Variants in RGS5 observed in about 807,000 individuals in gnomAD.
The protein encoded by RGS5 is regulator of G-protein signalling 5.
In RGS5, 20 loss-of-function variants were observed where a neutral mutation model predicts 18.9. The ratio of observed to expected loss-of-function variants is 1.06; its 90% CI spans 0.74 to 1.54. The LOEUF (loss-of-function observed/expected upper bound fraction) is 1.54. Among genes scored for constraint, RGS5 ranks in the 40% most tolerant of loss-of-function variants. RGS5 has a pLI of 0.00. For synonymous variants in RGS5, 57 were observed against 76.2 expected, an observed-to-expected ratio of 0.75 and a Z score of 1.31; for missense variants, 201 against 211.8, an observed-to-expected ratio of 0.95 and a Z score of 0.32.
chr1:163,206,305 G>C (rs142462967), upstream of RGS5, among the ~76,000 whole-genome samples: 498 of 151,708 alleles, frequency 3.3e-3, 4 homozygotes, highest in African/African-American at 9.3e-3. Flanking sequence ...CCCAGTCTCA[G>C]GTATTTTGTT....
chr1:163,160,144 G>A (rs1657745964), intron 3 of RGS5, among the ~76,000 whole-genome samples: 1 of 152,136 alleles, frequency 6.6e-6, no homozygotes, highest in Non-Finnish European at 1.5e-5. Context: ...ATATAGACAT[G>A]TAGCCCTAAG....
chr1:163,190,491 A>G (rs60039289), intron 1 of RGS5, among the ~76,000 whole-genome samples: 28,918 of 152,126 alleles, frequency 0.19, 2,907 homozygotes, highest in South Asian at 0.28. Context: ...AGATCATACT[A>G]CCTGGAGAAT....
chr1:163,209,535 C>T (rs1200227637), intron 1 of RGS5, among the ~76,000 whole-genome samples: 2 of 152,138 alleles, frequency 1.3e-5, no homozygotes, highest in Non-Finnish European at 2.9e-5. Context: ...TTGTTTGAGT[C>T]TACTTGTGTA....
At chr1:163,227,305 C>G (rs189255567) in intron 2 of RGS5, among the ~76,000 whole-genome samples, 1 of 152,144 alleles carries the variant, frequency 6.6e-6, no homozygotes, top group Non-Finnish European at 1.5e-5. Context: ...ACTCACAGTT[C>G]CACATGGTTG....
chr1:163,206,451 G>C (rs1207940529), upstream of RGS5, among the ~76,000 whole-genome samples: 3 of 152,088 alleles, frequency 2.0e-5, no homozygotes, highest in Admixed American at 6.6e-5. Flanking sequence ...TACCTGTTAA[G>C]ATTTTCGTGT....
chr1:163,226,222 A>C lies in RGS5; in HGVS notation c.-280-57854T>G, dbSNP rs372179714. On this transcript the variant is annotated intron_variant, in intron 2 of 5. Transcript: ENST00000618415. ...GGCATGAGCCACCGCACCCAGCCAG[A>C]GGTCAAAATCGCAAGTAATTTTAAG... Among the ~76,000 whole-genome samples, 13 of 152,016 alleles carry C rather than the reference A, an allele frequency of 8.6e-5. No individual in the cohort carries two copies. The East Asian group carries it at 1.7e-3, about 20-fold the overall frequency.
intron 4 of RGS5, among the ~76,000 whole-genome samples, chr1:163,150,076 C>A (rs1193916221): frequency 6.6e-6 from 1 of 152,124 alleles, no homozygotes; most frequent in African/African-American, 2.4e-5. Context: ...GAGTAGGATT[C>A]ACATTCTCTC....
chr1:163,253,920 G>A (rs1364266472), intron 2 of RGS5, among the ~76,000 whole-genome samples: 11 of 151,528 alleles, frequency 7.3e-5, no homozygotes, highest in Admixed American at 5.9e-4. Flanking sequence ...TTGTTCTTGC[G>A]ATAGTTTACT....
At chr1:163,208,443 A>G (rs1259598722) in intron 1 of RGS5, among the ~76,000 whole-genome samples, 5 of 140,658 alleles carry the variant, frequency 3.6e-5, no homozygotes, top group Admixed American at 1.5e-4. Context: ...ACTTGAGCCC[A>G]GGAGTTCAAG....
At chr1:163,296,982 A>G (rs1360069385) in intron 2 of RGS5, among the ~76,000 whole-genome samples, 2 of 152,186 alleles carry the variant, frequency 1.3e-5, no homozygotes, top group East Asian at 3.8e-4. Flanking sequence ...GAAGAAAAGG[A>G]CACTAAATCA....
chr1:163,150,480 C>G (rs1657329687), intron 4 of RGS5, among the ~76,000 whole-genome samples: 1 of 152,022 alleles, frequency 6.6e-6, no homozygotes, highest in South Asian at 2.1e-4. Flanking sequence ...AAATACATGT[C>G]CAATTTAATG....
chr1:163,188,141 C>A (rs1486985665), intron 1 of RGS5, among the ~76,000 whole-genome samples: 1 of 152,006 alleles, frequency 6.6e-6, no homozygotes, highest in African/African-American at 2.4e-5. Flanking sequence ...TTACTAAAAG[C>A]CAGAGTTATC....
chr1:163,160,208 T>C (rs1657747874), intron 3 of RGS5, among the ~76,000 whole-genome samples: 1 of 152,188 alleles, frequency 6.6e-6, no homozygotes, highest in African/African-American at 2.4e-5. Context: ...TTTATTCTTC[T>C]CCTTAAAGGT....
chr1:163,278,924 T>C (rs1166153505), intron 2 of RGS5, among the ~76,000 whole-genome samples: 3 of 151,864 alleles, frequency 2.0e-5, no homozygotes, highest in Non-Finnish European at 4.4e-5. Flanking sequence ...AAAATAAACT[T>C]CAGGTTAAAA....
At chr1:163,304,153 G>A (rs1649635283) in intron 2 of RGS5, 1 of 152,198 alleles carries the variant, frequency 6.6e-6, no homozygotes, top group African/African-American at 2.4e-5. Flanking sequence ...TTAATGAAAT[G>A]TGATTATAAA....
upstream of RGS5, among the ~76,000 whole-genome samples, chr1:163,204,325 AC>A (rs1220052936): frequency 1.4e-4 from 21 of 151,836 alleles, no homozygotes; most frequent in Admixed American, 6.6e-4. Flanking sequence ...ACACACACAC[AC>A]ACACACACAC....
chr1:163,262,261 T>C (rs377543700), intron 2 of RGS5, among the ~76,000 whole-genome samples: 98 of 116,306 alleles, frequency 8.4e-4, no homozygotes, highest in African/African-American at 3.2e-3. Context: ...CACCCACTAA[T>C]GTGTCATCTA....
chr1:163,232,487 T>C (rs138940755), intron 2 of RGS5, among the ~76,000 whole-genome samples: 122 of 152,316 alleles, frequency 8.0e-4, no homozygotes, highest in African/African-American at 2.7e-3. Context: ...TTTGCATATA[T>C]ATTACTGTAG....
intron 3 of RGS5, among the ~76,000 whole-genome samples, chr1:163,153,683 TATATAG>T (rs1185707228): frequency 9.0e-4 from 136 of 151,450 alleles, no homozygotes; most frequent in African/African-American, 3.1e-3. Flanking sequence ...TAGCCTATTA[TATATAG>T]ATATAGTCTT....
Sources: allele counts gnomAD v4.1 joint callset (sites outside exome capture counted in the v4.1 genomes callset), GRCh38; gene constraint gnomAD v4.1.1; transcripts MANE v1.5; gene names NCBI Gene and HGNC (gene_info 2026-07-23, HGNC 2026-07-21).